The following PCCA variants were observed in gnomAD, a reference collection of about 807,000 sequenced individuals.
The protein encoded by PCCA is propionyl-CoA carboxylase alpha chain, mitochondrial.
A neutral mutation model predicts 101.3 loss-of-function variants in PCCA; 74 were observed. That is an observed-to-expected ratio of 0.73 (90% CI 0.61 to 0.89). The LOEUF is 0.89. Ranked by LOEUF, PCCA falls within the 40% of genes least tolerant of loss-of-function variation. PCCA has a pLI of 0.00. For missense variants in PCCA, 891 were observed against 907.0 expected, an observed-to-expected ratio of 0.98 and a Z score of 0.23; for synonymous variants, 294 against 313.6, an observed-to-expected ratio of 0.94 and a Z score of 0.66.
rs898616705 is a variant in PCCA at position 100,328,398 on chromosome 13, A to G, written c.1430-2163A>G. ...TAATAATAATAATAATAATAATAAT[A>G]ATAATAATGATGATAATAATAATAT... On this transcript the variant is annotated intron_variant, in intron 16 of 23. Transcript: ENST00000376285. Among the ~76,000 whole-genome samples, 6 of 135,284 alleles carry G rather than the reference A, an allele frequency of 4.4e-5. No individual in the cohort carries two copies. In the East Asian group the frequency reaches 1.0e-3, roughly 23 times the overall value. 88.8% of individuals were successfully genotyped at this position (135,284 alleles called of 152,430 possible).
At chr13:100,281,193 A>T (rs1352826672) in intron 12 of PCCA, among the ~76,000 whole-genome samples, 1 of 152,190 alleles carries the variant, frequency 6.6e-6, no homozygotes, top group African/African-American at 2.4e-5. Flanking sequence ...GAAAAGGTGA[A>T]AGTTCTAGAC....
chr13:100,343,609 G>A (rs2071725591), intron 18 of PCCA, among the ~76,000 whole-genome samples: 1 of 152,222 alleles, frequency 6.6e-6, no homozygotes, highest in African/African-American at 2.4e-5. Context: ...GGTTGTCTGG[G>A]TCTGGGTATG....
chr13:100,521,446 G>T (rs552238541), intron 22 of PCCA, among the ~76,000 whole-genome samples: 2 of 152,320 alleles, frequency 1.3e-5, no homozygotes, highest in South Asian at 2.1e-4. Context: ...TCTCCTGCCC[G>T]CCTGGTCTGT....
intron 4 of PCCA, among the ~76,000 whole-genome samples, chr13:100,120,936 A>G (rs1031141952): frequency 5.3e-5 from 8 of 152,108 alleles, no homozygotes; most frequent in African/African-American, 1.9e-4. Context: ...CTATCCATGA[A>G]CATGTGATAT....
chr13:100,211,665 T>G (rs2059219390), intron 7 of PCCA, among the ~76,000 whole-genome samples: 1 of 152,170 alleles, frequency 6.6e-6, no homozygotes. Context: ...ATTTCCTCTT[T>G]TTATTGTGCT....
At chr13:100,242,461 C>T (rs1166108853) in intron 8 of PCCA, among the ~76,000 whole-genome samples, 1 of 152,066 alleles carries the variant, frequency 6.6e-6, no homozygotes, top group Admixed American at 6.6e-5. Context: ...TTTAATAGCA[C>T]ACTATAAGTA....
intron 6 of PCCA, chr13:100,161,589 A>C (rs958653176): frequency 7.2e-5 from 11 of 152,184 alleles, no homozygotes; most frequent in African/African-American, 2.7e-4. Flanking sequence ...TTTGTTTAAC[A>C]ATTTTTTTGT....
intron 19 of PCCA, among the ~76,000 whole-genome samples, chr13:100,415,290 C>T (rs1460259815): frequency 6.6e-6 from 1 of 152,030 alleles, no homozygotes; most frequent in Non-Finnish European, 1.5e-5. Flanking sequence ...ATCTGTAACC[C>T]CAGCTACTCA....
At chr13:100,453,007 C>T (rs1034065966) in intron 21 of PCCA, among the ~76,000 whole-genome samples, 1 of 150,698 alleles carries the variant, frequency 6.6e-6, no homozygotes. Flanking sequence ...AGTTCAAGAC[C>T]AGCCAGGGAA....
Position 100,449,407 on chromosome 13 carries a change from T to A in PCCA, c.1899+102T>A. Reference sequence around the variant, plus strand: ...ACTTGGCTTCATTACTGCTAGATATTTAAATTACCTCTACTTTTTTGCCTT... The same window carrying A: ...ACTTGGCTTCATTACTGCTAGATATATAAATTACCTCTACTTTTTTGCCTT... On this transcript the variant is annotated intron_variant, in intron 21 of 23. Coordinates refer to ENST00000376285, the MANE Select transcript of PCCA (RefSeq NM_000282.4). 7.7e-6 allele frequency: 5 copies of A among 652,906 alleles called. No individual in the cohort carries two copies. The South Asian group carries it at 9.6e-5, about 12-fold the overall frequency. 40.4% of individuals were successfully genotyped at this position (652,906 alleles called of 1,614,324 possible). A position where few individuals can be genotyped will look rare whatever the true frequency, so the allele number is the denominator to read the frequency against.
chr13:100,243,288 G>C (rs1212009412), intron 8 of PCCA, among the ~76,000 whole-genome samples: 1 of 152,098 alleles, frequency 6.6e-6, no homozygotes, highest in East Asian at 1.9e-4. Flanking sequence ...TCAGCAAGTG[G>C]TTATTTGGTG....
chr13:100,328,371 T>TATAATA (rs58866207), intron 16 of PCCA, among the ~76,000 whole-genome samples: 3,856 of 141,810 alleles, frequency 0.027, 89 homozygotes, highest in African/African-American at 0.057. Flanking sequence ...TCAAAAAATA[T>TATAATA]ATAATAATAA....
At chr13:100,097,861 A>C (rs1437295082) in intron 1 of PCCA, among the ~76,000 whole-genome samples, 1 of 152,158 alleles carries the variant, frequency 6.6e-6, no homozygotes, top group African/African-American at 2.4e-5. Context: ...CAGTCTCTAC[A>C]AAAAATAAAA....
intron 20 of PCCA, among the ~76,000 whole-genome samples, chr13:100,427,004 T>TC (rs1211663304): frequency 6.6e-5 from 10 of 152,246 alleles, no homozygotes; most frequent in African/African-American, 2.2e-4. Flanking sequence ...TCACCTGAGG[T>TC]GAAGCGTTCC....
chr13:100,481,669 G>C (rs891834501), intron 21 of PCCA, among the ~76,000 whole-genome samples: 1 of 152,134 alleles, frequency 6.6e-6, no homozygotes, highest in African/African-American at 2.4e-5. Flanking sequence ...TGGAGATGCT[G>C]GACCCCGAGA....
At chr13:100,393,840 A>G (rs1359678221) in intron 19 of PCCA, among the ~76,000 whole-genome samples, 8 of 152,246 alleles carry the variant, frequency 5.3e-5, no homozygotes, top group East Asian at 1.9e-4. Flanking sequence ...CAAGTATATG[A>G]AACACATTAA....
Position 100,259,612 on chromosome 13 carries a change from C to T in PCCA, c.716+1939C>T, listed in dbSNP as rs558299470. Among the ~76,000 whole-genome samples the T allele has an allele frequency of 1.5e-3, 230 of 152,104 alleles. 1 individual carries two copies. The highest frequency in any genetic ancestry group is 4.6e-3 in the African/African-American group (192 of 41,506). On this transcript the variant is annotated intron_variant, in intron 9 of 23. Coordinates refer to ENST00000376285, the MANE Select transcript of PCCA (RefSeq NM_000282.4). ...CCTCCCAAAGTGCTGGGATTACAGG[C>T]GTGCACCACTGCGCCCAACCTTTAT...
intron 14 of PCCA, among the ~76,000 whole-genome samples, chr13:100,306,424 G>C (rs1412552846): frequency 2.6e-5 from 4 of 152,152 alleles, no homozygotes; most frequent in African/African-American, 9.7e-5. Context: ...TTTAATAAAT[G>C]TTCTGTCCTC....
At chr13:100,188,069 C>T (rs543312334) in intron 6 of PCCA, among the ~76,000 whole-genome samples, 9 of 152,192 alleles carry the variant, frequency 5.9e-5, no homozygotes, top group East Asian at 5.8e-4. Flanking sequence ...CCGAGGTGGG[C>T]GGATCACGAG....
Sources: gnomAD v4.1 joint callset for allele counts (sites outside exome capture counted in the v4.1 genomes callset) on GRCh38, gnomAD v4.1.1 for gene constraint, MANE v1.5 for transcripts, NCBI Gene and HGNC (gene_info 2026-07-23, HGNC 2026-07-21) for gene names.